The following LRP1B variants were observed in gnomAD, a reference collection of about 807,000 sequenced individuals.
The protein encoded by LRP1B is LDL receptor related protein 1B.
In LRP1B, 217 loss-of-function variants were observed where a neutral mutation model predicts 556.6. The ratio of observed to expected loss-of-function variants is 0.39; its 90% CI spans 0.35 to 0.44. The LOEUF is 0.44. Ranked by LOEUF, LRP1B falls within the 20% of genes least tolerant of loss-of-function variation. LRP1B has a pLI of 1.00. For missense variants in LRP1B, 5,053 were observed against 5,620.8 expected (o/e 0.90, Z 3.23); for synonymous variants, 2,047 against 1,865.8 (o/e 1.10, Z -2.50).
Position 141,699,495 on chromosome 2 carries a change from C to G in LRP1B, c.205+110784G>C, listed in dbSNP as rs560522738. Among the ~76,000 whole-genome samples, 121 of 151,824 alleles carry G rather than the reference C, an allele frequency of 8.0e-4. 2 individuals carry two copies. Among genetic ancestry groups the G allele is most frequent in the Admixed American group, 7.1e-3 (108 of 15,188 alleles). ...GAGTCAGGATTACAATTTTGAGCCG[C>G]TTAATTTAATGCCTGTGTTTATTTT... On this transcript the variant is annotated intron_variant, in intron 2 of 90. Coordinates refer to ENST00000389484, the MANE Select transcript of LRP1B (RefSeq NM_018557.3).
chr2:140,333,561 T>C (rs1260465620), intron 79 of LRP1B, among the ~76,000 whole-genome samples: 1 of 152,074 alleles, frequency 6.6e-6, no homozygotes, highest in African/African-American at 2.4e-5. Context: ...TGGAAAGGTA[T>C]AAAACACATT....
chr2:142,081,089 A>G (rs992171716), intron 1 of LRP1B, among the ~76,000 whole-genome samples: 2 of 152,154 alleles, frequency 1.3e-5, no homozygotes, highest in African/African-American at 4.8e-5. Context: ...CTGACTTCCA[A>G]TATTGCCCAG....
intron 2 of LRP1B, among the ~76,000 whole-genome samples, chr2:141,509,625 A>T (rs1205835828): frequency 6.6e-6 from 1 of 152,224 alleles, no homozygotes; most frequent in African/African-American, 2.4e-5. Context: ...ACGTGTTAAA[A>T]GTGAGAAAGC....
chr2:141,511,728 G>A (rs1460661774), intron 2 of LRP1B, among the ~76,000 whole-genome samples: 1 of 152,060 alleles, frequency 6.6e-6, no homozygotes. Context: ...CAATATTTTT[G>A]GTGAGTCCTA....
chr2:141,711,425 G>C (rs1692352228), intron 2 of LRP1B, among the ~76,000 whole-genome samples: 1 of 152,176 alleles, frequency 6.6e-6, no homozygotes, highest in Non-Finnish European at 1.5e-5. Context: ...AAAGGATGAA[G>C]CTGAATTGCA....
At chr2:140,824,597 C>A (rs1691441464) in intron 31 of LRP1B, among the ~76,000 whole-genome samples, 1 of 152,134 alleles carries the variant, frequency 6.6e-6, no homozygotes, top group East Asian at 1.9e-4. Flanking sequence ...TTCTTCCTAG[C>A]TAGTCATGTA....
intron 3 of LRP1B, among the ~76,000 whole-genome samples, chr2:141,329,696 C>T (rs950575865): frequency 2.0e-5 from 3 of 150,626 alleles, no homozygotes; most frequent in African/African-American, 7.3e-5. Context: ...CTGTTCGAGG[C>T]TTAGGGTAAG....
chr2:140,829,837 AT>A (rs1479103712), intron 31 of LRP1B, among the ~76,000 whole-genome samples: 1 of 151,942 alleles, frequency 6.6e-6, no homozygotes, highest in Non-Finnish European at 1.5e-5. Flanking sequence ...ATAAAAAGCT[AT>A]TTTTTAAAAG....
intron 21 of LRP1B, among the ~76,000 whole-genome samples, chr2:140,917,585 T>C (rs1475691480): frequency 6.6e-6 from 1 of 152,066 alleles, no homozygotes; most frequent in Non-Finnish European, 1.5e-5. Context: ...AAGAAGTCAA[T>C]ATGGCAAGTC....
intron 1 of LRP1B, among the ~76,000 whole-genome samples, chr2:141,997,419 G>A (rs1192623765): frequency 1.4e-3 from 1 of 690 alleles, no homozygotes; most frequent in African/African-American, 1.9e-3. Flanking sequence ...GTATATATGT[G>A]TGTGTGTGTG....
At chr2:141,117,881 G>A (rs1375734961) in intron 7 of LRP1B, among the ~76,000 whole-genome samples, 1 of 151,870 alleles carries the variant, frequency 6.6e-6, no homozygotes, top group African/African-American at 2.4e-5. Context: ...TTAAAAATAA[G>A]CATTTGGTTT....
intron 68 of LRP1B, 33 bp from the exon 69 acceptor site, chr2:140,373,170 A>G (rs201351019): frequency 1.6e-5 from 25 of 1,592,980 alleles, no homozygotes; most frequent in Non-Finnish European, 2.1e-5. Context: ...AATCAAAATT[A>G]AAATTTTAGA....
At chr2:141,545,178 C>T (rs1232320457) in intron 2 of LRP1B, among the ~76,000 whole-genome samples, 1 of 152,164 alleles carries the variant, frequency 6.6e-6, no homozygotes, top group Non-Finnish European at 1.5e-5. Flanking sequence ...AATGTATTGC[C>T]TTCTTCAACC....
chr2:141,175,919 G>A (rs1000759581), intron 7 of LRP1B, among the ~76,000 whole-genome samples: 2 of 152,070 alleles, frequency 1.3e-5, no homozygotes, highest in African/African-American at 4.8e-5. Flanking sequence ...TGCCCTAGAT[G>A]CAAGACATGG....
chr2:140,492,396 G>A (rs964175135), intron 57 of LRP1B, among the ~76,000 whole-genome samples: 2 of 152,168 alleles, frequency 1.3e-5, no homozygotes, highest in African/African-American at 4.8e-5. Flanking sequence ...GTTCTAGACA[G>A]TGCTTTCGCA....
intron 41 of LRP1B, among the ~76,000 whole-genome samples, chr2:140,624,351 C>T (rs538835044): frequency 6.6e-5 from 10 of 152,206 alleles, no homozygotes; most frequent in East Asian, 1.9e-4. Context: ...TTATCAAGAA[C>T]GTTGGCATCG....
At chr2:141,563,981 G>A (rs377747314) in intron 2 of LRP1B, among the ~76,000 whole-genome samples, 5 of 151,838 alleles carry the variant, frequency 3.3e-5, no homozygotes, top group South Asian at 4.1e-4. Context: ...ACATATCCAC[G>A]TAACAAACCT....
intron 43 of LRP1B, among the ~76,000 whole-genome samples, chr2:140,561,667 T>A (rs1197286168): frequency 1.3e-5 from 2 of 151,812 alleles, no homozygotes; most frequent in African/African-American, 4.8e-5. Context: ...TAATATAAAC[T>A]CATATAAGTA....
intron 69 of LRP1B, among the ~76,000 whole-genome samples, chr2:140,371,603 G>C (rs1300257044): frequency 7.6e-6 from 1 of 131,278 alleles, no homozygotes; most frequent in African/African-American, 2.8e-5. Flanking sequence ...ATTTTGAAGT[G>C]TTACATGAGT....
Sources: gnomAD v4.1 joint callset for allele counts (sites outside exome capture counted in the v4.1 genomes callset) on GRCh38, gnomAD v4.1.1 for gene constraint, MANE v1.5 for transcripts, NCBI Gene and HGNC (gene_info 2026-07-23, HGNC 2026-07-21) for gene names.